LAMA1: variants seen among roughly 807,000 people sequenced by gnomAD.
LAMA1 encodes the protein laminin subunit alpha 1, also known as laminin subunit alpha-1.
In LAMA1, 219 loss-of-function variants were observed where a neutral mutation model predicts 348.7. That is an observed-to-expected ratio of 0.63 (90% CI 0.56 to 0.70). The LOEUF (loss-of-function observed/expected upper bound fraction) is 0.70. Ranked by LOEUF, LAMA1 falls within the 30% of genes least tolerant of loss-of-function variation. The pLI is 0.00. For synonymous variants in LAMA1, 1,487 were observed against 1,491.0 expected, an observed-to-expected ratio of 1.00 and a Z score of 0.06; for missense variants, 3,744 against 3,888.0, an observed-to-expected ratio of 0.96 and a Z score of 0.99.
intron 61 of LAMA1, among the ~76,000 whole-genome samples, chr18:6,946,712 T>C (rs2057523321): frequency 6.6e-6 from 1 of 151,984 alleles, no homozygotes; most frequent in African/African-American, 2.4e-5. Context: ...AGAGCGAAAC[T>C]CCGTCTCAAA....
intron 29 of LAMA1, among the ~76,000 whole-genome samples, chr18:7,003,641 A>T (rs1442452017): frequency 6.6e-6 from 1 of 152,130 alleles, no homozygotes; most frequent in Non-Finnish European, 1.5e-5. Flanking sequence ...TGCTCAATTC[A>T]TCTCTATTTA....
intron 58 of LAMA1, among the ~76,000 whole-genome samples, chr18:6,949,993 T>G (rs551615667): frequency 6.6e-6 from 1 of 152,324 alleles, no homozygotes; most frequent in Non-Finnish European, 1.5e-5. Context: ...AGTCGTTAAG[T>G]GTTATACCTT....
Position 7,007,194 on chromosome 18 carries a change from G to A in LAMA1, c.4205C>T (p.Pro1402Leu), listed in dbSNP as rs1385354967. The A allele has an allele frequency of 1.2e-6, 2 of 1,614,144 alleles. No individual in the cohort carries two copies. The highest frequency in any genetic ancestry group is 1.7e-6 in the Non-Finnish European group (2 of 1,180,036). ...GTCACTGTGGTTGTTGCAACTGCAGGGAACACAAGGAGCAACCAGAGGGCG... is the reference window on the plus strand; with the variant it reads ...GTCACTGTGGTTGTTGCAACTGCAGAGAACACAAGGAGCAACCAGAGGGCG... ...GPRPLVAPCV[P>L]CSCNNHSDTC... The change falls in exon 29 of 63, where the codon CCC (proline) becomes CTC (leucine). Residue 1402 changes from proline to leucine, a missense_variant. Around this residue, in one of 3 missense-constraint regions of LAMA1, gnomAD observed 1,983 missense variants for 1,934.3 expected, o/e 1.03. Coordinates refer to ENST00000389658, the MANE Select transcript of LAMA1 (RefSeq NM_005559.4).
rs1425371099 is a variant in LAMA1, at chr18:7,043,266, G to T, written c.1116C>A (p.Asn372Lys). Residue 372 changes from asparagine to lysine, a missense_variant, in exon 8 of 63, where the codon AAC becomes AAA. Around this residue, in one of 3 missense-constraint regions of LAMA1, gnomAD observed 1,529 missense variants for 1,689.4 expected, o/e 0.91. Coordinates refer to ENST00000389658, the MANE Select transcript of LAMA1 (RefSeq NM_005559.4). ...INCLQNTMGI[N>K]CETCIDGYYR... ...AATATCCATCAATACAGGTTTCACA[G>T]TTGATTCCCATGGTGTTCTGCAAGC... 2 of 1,614,142 alleles carry T rather than the reference G, an allele frequency of 1.2e-6. No homozygotes were observed. The highest frequency in any genetic ancestry group is 2.7e-5 in the African/African-American group (2 of 75,046).
chr18:6,996,589 A>G (rs2057782346), intron 33 of LAMA1, among the ~76,000 whole-genome samples: 1 of 152,082 alleles, frequency 6.6e-6, no homozygotes, highest in Non-Finnish European at 1.5e-5. Flanking sequence ...CCTGCACAAC[A>G]TAGTGAGAGC....
intron 46 of LAMA1, among the ~76,000 whole-genome samples, chr18:6,974,058 C>T (rs1600362228): frequency 6.6e-6 from 1 of 152,132 alleles, no homozygotes. Flanking sequence ...ACTGGGATTA[C>T]AGGAGTGAGC....
chr18:6,974,685 T>C (rs996104418), intron 46 of LAMA1, among the ~76,000 whole-genome samples: 1 of 152,100 alleles, frequency 6.6e-6, no homozygotes, highest in Middle Eastern at 3.4e-3. Flanking sequence ...TGACCTCAGG[T>C]GATCCGCCTG....
At chr18:7,075,580 G>A (rs1439722373) in intron 3 of LAMA1, among the ~76,000 whole-genome samples, 5 of 151,628 alleles carry the variant, frequency 3.3e-5, no homozygotes, top group African/African-American at 2.4e-5. Flanking sequence ...CCGAGATCGC[G>A]CCATTGCCCT....
At position 6,977,863 on chromosome 18, in the gene LAMA1, T is replaced by G; in HGVS notation, c.6209A>C (p.Lys2070Thr). 6.2e-7 allele frequency: 1 copy of G among 1,613,048 alleles called. No homozygotes were observed. The highest frequency in any genetic ancestry group is 8.5e-7 in the Non-Finnish European group (1 of 1,180,012). ...GGCTTGAATTTCCACGTCTTTGACT[T>G]TTCTTCCAGCCAACAGAGCTAACAA... ...STMATLLAGRKVKDVEIQANL... is the reference protein window; with the variant it reads ...STMATLLAGRTVKDVEIQANL... The change falls in exon 44 of 63, where the codon AAA (lysine) becomes ACA (threonine). Residue 2070 changes from lysine to threonine, a missense_variant. Physicochemically the swap from Lys to Thr is moderately conservative, Grantham distance 78. This residue lies in a region of LAMA1 where 1,983 missense variants were observed against 1,934.3 expected (regional missense o/e 1.03). Coordinates refer to ENST00000389658, the MANE Select transcript of LAMA1 (RefSeq NM_005559.4).
chr18:6,956,579 T>C, intron 56 of LAMA1, 57 bp downstream of exon 56: 1 of 1,612,230 alleles, frequency 6.2e-7, no homozygotes, highest in Non-Finnish European at 8.5e-7. Flanking sequence ...ACTCCCTCTG[T>C]CCTAGGCCCT....
chr18:7,059,017 G>A (rs1476736138), intron 3 of LAMA1, among the ~76,000 whole-genome samples: 1 of 152,078 alleles, frequency 6.6e-6, no homozygotes, highest in Admixed American at 6.5e-5. Flanking sequence ...AGCCTCCCAA[G>A]TAGCTGGGAT....
intron 48 of LAMA1, among the ~76,000 whole-genome samples, chr18:6,971,478 G>A (rs1396686429): frequency 1.3e-5 from 2 of 152,124 alleles, no homozygotes; most frequent in African/African-American, 2.4e-5. Context: ...ACAGAAGGTT[G>A]TTTGAGAAAT....
intron 1 of LAMA1, among the ~76,000 whole-genome samples, chr18:7,093,212 C>G (rs528274777): frequency 6.6e-6 from 1 of 152,138 alleles, no homozygotes; most frequent in South Asian, 2.1e-4. Context: ...GTCAGGATAT[C>G]AAGACCATCC....
intron 29 of LAMA1, among the ~76,000 whole-genome samples, chr18:7,003,330 G>A (rs868793173): frequency 1.1e-4 from 16 of 148,890 alleles, no homozygotes; most frequent in Non-Finnish European, 1.8e-4. Context: ...GGCTCACTGT[G>A]AGCTCCACCT....
At chr18:6,978,171 A>G in intron 43 of LAMA1, 25 bp downstream of exon 43, 1 of 1,614,030 alleles carries the variant, frequency 6.2e-7, no homozygotes, top group Non-Finnish European at 8.5e-7. Context: ...GACGATCATG[A>G]CTGGAAGGAA....
chr18:7,055,299 A>G (rs1467487454), intron 3 of LAMA1, among the ~76,000 whole-genome samples: 1 of 151,896 alleles, frequency 6.6e-6, no homozygotes, highest in Non-Finnish European at 1.5e-5. Flanking sequence ...AAAAAAATAC[A>G]AAAATTAGCT....
At chr18:7,074,616 C>A (rs1436678796) in intron 3 of LAMA1, among the ~76,000 whole-genome samples, 2 of 152,018 alleles carry the variant, frequency 1.3e-5, no homozygotes, top group Non-Finnish European at 2.9e-5. Flanking sequence ...ATGGAGACCA[C>A]AACATATATG....
At chr18:6,965,717 T>C in intron 49 of LAMA1, 1 of 453,864 alleles carries the variant, frequency 2.2e-6, no homozygotes. Flanking sequence ...AAGGGGCCCG[T>C]TCTAAAAAAT....
intron 1 of LAMA1, among the ~76,000 whole-genome samples, chr18:7,112,209 C>T (rs1052339231): frequency 6.6e-6 from 1 of 152,088 alleles, no homozygotes; most frequent in Non-Finnish European, 1.5e-5. Context: ...CTAACAATAC[C>T]TTTCTGTCAA....
Sources: gnomAD v4.1 joint callset for allele counts (sites outside exome capture counted in the v4.1 genomes callset) on GRCh38, gnomAD v4.1.1 for gene constraint, gnomAD v4.1.1 regional missense constraint, MANE v1.5 for transcripts, NCBI Gene and HGNC (gene_info 2026-07-23, HGNC 2026-07-21) for gene names.